KCNH6: variants seen among roughly 807,000 people sequenced by gnomAD.
KCNH6 encodes the protein potassium voltage-gated channel subfamily H member 6.
A neutral mutation model predicts 83.4 loss-of-function variants in KCNH6; 81 were observed. That is an observed-to-expected ratio of 0.97 (90% CI 0.81 to 1.17). KCNH6 has a LOEUF of 1.17. Ranked by LOEUF, KCNH6 falls within the 50% of genes most tolerant of loss-of-function variation. KCNH6 has a pLI of 0.00. For missense variants in KCNH6, 1,203 were observed against 1,290.5 expected, an observed-to-expected ratio of 0.93 and a Z score of 1.04; for synonymous variants, 503 against 545.6, an observed-to-expected ratio of 0.92 and a Z score of 1.09.
At position 63,530,455 on chromosome 17, in the gene KCNH6, C is replaced by A; in HGVS notation, c.588C>A (p.His196Gln). The A allele has an allele frequency of 6.2e-7, 1 of 1,614,240 alleles. No homozygotes were observed. Among genetic ancestry groups the A allele is most frequent in the Non-Finnish European group, 8.5e-7 (1 of 1,180,044 alleles). Residue 196 changes from histidine (H) to glutamine (Q), a missense_variant, in exon 4 of 13, where the codon CAC becomes CAA. Transcript: ENST00000314672. ...TCGTGGAGTTCAACTTGGAGAAGCA[C>A]CGCTCCAGCTCCACCACGGAGATTG... is the stretch of plus-strand genomic sequence containing the variant. ...LNFVEFNLEK[H>Q]RSSSTTEIEI...
rs1465460390 is a variant in KCNH6, at chr17:63,542,381, G to A, written c.2095G>A (p.Ala699Thr). The A allele has an allele frequency of 1.2e-6, 2 of 1,614,048 alleles. No homozygotes were observed. Among genetic ancestry groups the A allele is most frequent in the East Asian group, 2.2e-5 (1 of 44,884 alleles). The change falls in exon 9 of 13, where the codon GCC (alanine) becomes ACC (threonine). Residue 699 changes from alanine (A) to threonine (T), a missense_variant. Ala to Thr is a moderately conservative substitution (Grantham distance 58). Transcript: ENST00000314672. ...GCTGGAGGTGCTGGACATGTACCCGGCCTTTGCGGAGAGCTTCTGGAGTAA... is the reference window on the plus strand; with the variant it reads ...GCTGGAGGTGCTGGACATGTACCCGACCTTTGCGGAGAGCTTCTGGAGTAA... ...DLLEVLDMYP[A>T]FAESFWSKLE...
intron 9 of KCNH6, among the ~76,000 whole-genome samples, chr17:63,543,151 G>A (rs1431560353): frequency 6.6e-6 from 1 of 152,204 alleles, no homozygotes; most frequent in Admixed American, 6.5e-5. Context: ...CTTCCCTGGT[G>A]CCCCGCCCCT....
At chr17:63,529,132 G>A (rs756663781) in intron 2 of KCNH6, among the ~76,000 whole-genome samples, 1 of 152,230 alleles carries the variant, frequency 6.6e-6, no homozygotes, top group African/African-American at 2.4e-5. Context: ...ACCACGCCCG[G>A]CCAGGCATGG....
At position 63,534,239 on chromosome 17, in the gene KCNH6, G is replaced by A. The variant is rs61743693; in HGVS notation, c.1029G>A (p.Lys343=). ...GCCGCATCGCCGTCCACTACTTCAA[G>A]GGCTGGTTCCTCATTGACATGGTGG... The part of the protein sequence containing the change: ...HPRRIAVHYF[K]GWFLIDMVAA... Residue 343 remains lysine, a synonymous_variant, in exon 5 of 13, where the codon AAG becomes AAA. Coordinates refer to ENST00000314672, the MANE Select transcript of KCNH6 (RefSeq NM_001278919.2). The surrounding 1 kb of genome is among the most constrained non-coding windows in gnomAD (Gnocchi z 5.0). The A allele has an allele frequency of 4.0e-3, 6,399 of 1,614,114 alleles. 213 individuals carry two copies. The African/African-American group carries it at 0.069, about 17-fold the overall frequency.
At chr17:63,528,552 G>A (rs2031869052) in intron 2 of KCNH6, among the ~76,000 whole-genome samples, 2 of 152,202 alleles carry the variant, frequency 1.3e-5, no homozygotes. Context: ...CTCCACAGCA[G>A]TGATACTCCC....
intron 2 of KCNH6, among the ~76,000 whole-genome samples, chr17:63,525,721 G>A (rs2031667208): frequency 6.6e-6 from 1 of 152,158 alleles, no homozygotes; most frequent in East Asian, 1.9e-4. Flanking sequence ...GTGGCAGTGG[G>A]AAGTGCAACA....
chr17:63,530,008 C>G (rs2031977041), intron 2 of KCNH6, 83 bp from the exon 3 acceptor site: 1 of 1,465,182 alleles, frequency 6.8e-7, no homozygotes, highest in Non-Finnish European at 9.3e-7. Flanking sequence ...ACTTGACCTT[C>G]ACTCAGCCCC....
chr17:63,548,348 AC>A (rs1199142710), downstream of KCNH6, among the ~76,000 whole-genome samples: 1 of 151,844 alleles, frequency 6.6e-6, no homozygotes, highest in African/African-American at 2.4e-5. Flanking sequence ...GACCAGTTGA[AC>A]CCAGCCTGGG....
chr17:63,543,893 C>T (rs2033009122), intron 10 of KCNH6: 1 of 654,686 alleles, frequency 1.5e-6, no homozygotes, highest in South Asian at 1.9e-5. Context: ...AAATGCAACC[C>T]CCAGGGGTGT....
chr17:63,524,278 C>T lies in KCNH6; in HGVS notation c.216C>T (p.Pro72=). Residue 72 remains proline (P), a synonymous_variant, in exon 2 of 13, where the codon CCC becomes CCT. Transcript: ENST00000314672. ...QPCTCDFLTG[P]NTPSSAVSRL... ...GCACCTGCGACTTCCTCACAGGCCC[C>T]AACACACCAAGCAGCGCCGTGTCCC... is the stretch of plus-strand genomic sequence containing the variant. 1 of 1,614,056 alleles carries T rather than the reference C, an allele frequency of 6.2e-7. No homozygotes were observed. Among genetic ancestry groups the T allele is most frequent in the Non-Finnish European group, 8.5e-7 (1 of 1,180,040 alleles).
chr17:63,527,573 C>G (rs1223003090), intron 2 of KCNH6, among the ~76,000 whole-genome samples: 1 of 152,166 alleles, frequency 6.6e-6, no homozygotes, highest in African/African-American at 2.4e-5. Context: ...AGGGGGCAGA[C>G]AAACCTGCTG....
intron 2 of KCNH6, among the ~76,000 whole-genome samples, chr17:63,524,889 G>T (rs2031600952): frequency 6.6e-6 from 1 of 152,254 alleles, no homozygotes; most frequent in South Asian, 2.1e-4. Context: ...TGGAGTTTGG[G>T]TTGTTACTGC....
At chr17:63,536,297 T>A in intron 6 of KCNH6, 1 of 558,846 alleles carries the variant, frequency 1.8e-6, no homozygotes, top group Non-Finnish European at 3.2e-6. Flanking sequence ...ACAGGCTACA[T>A]AATTTGCAGA....
In KCNH6 at chr17:63,535,870, G is replaced by C. The variant is rs752626043; in HGVS notation, c.1303G>C (p.Gly435Arg). The C allele has an allele frequency of 1.9e-6, 3 of 1,614,022 alleles. No individual in the cohort carries two copies. The highest frequency in any genetic ancestry group is 2.5e-6 in the Non-Finnish European group (3 of 1,180,044). Residue 435 changes from glycine (G) to arginine (R), a missense_variant, in exon 6 of 13, where the codon GGC (glycine) becomes CGC (arginine). Gly to Arg is a moderately radical substitution (Grantham distance 125, BLOSUM62 -2). Coordinates refer to ENST00000314672, the MANE Select transcript of KCNH6 (RefSeq NM_001278919.2). The surrounding 1 kb of genome is among the most constrained non-coding windows in gnomAD (Gnocchi z 4.9). ...VERPYLEHKI[G>R]WLDSLGVQLG... is the part of the protein sequence containing the mutation. ...GCGGCCCTACCTAGAACACAAGATC[G>C]GCTGGCTGGACAGCCTGGGTGTGCA...
In KCNH6 at chr17:63,535,803, G is replaced by A. The variant is rs899559949; in HGVS notation, c.1236G>A (p.Ala412=). The A allele has an allele frequency of 8.7e-6, 14 of 1,614,112 alleles. No homozygotes were observed. The highest frequency in any genetic ancestry group is 2.7e-5 in the African/African-American group (2 of 74,960). ...FLLMCTFALI[A]HWLACIWYAI... The stretch of plus-strand genomic sequence containing the variant: ...TCATGTGCACCTTCGCGCTCATAGC[G>A]CACTGGCTGGCCTGCATCTGGTACG... The change falls in exon 6 of 13, where the codon GCG becomes GCA. Residue 412 remains alanine, a synonymous_variant. Coordinates refer to ENST00000314672, the MANE Select transcript of KCNH6 (RefSeq NM_001278919.2). The surrounding 1 kb of genome is among the most constrained non-coding windows in gnomAD (Gnocchi z 4.9).
rs2033112575 is a variant in KCNH6, at chr17:63,545,705, G to A, written c.2680G>A (p.Ala894Thr). ...HLAVATDKTL[A>T]PSSEQEQPEG... ...GGCTGTGGCAACGGACAAAACTCTG[G>A]CACCATCCTCAGAACAGGAACAGCC... Residue 894 changes from alanine to threonine, a missense_variant, in exon 13 of 13, where the codon GCA becomes ACA. Transcript: ENST00000314672. 6.2e-7 allele frequency: 1 copy of A among 1,613,894 alleles called. No homozygotes were observed. Among genetic ancestry groups the A allele is most frequent in the African/African-American group, 1.3e-5 (1 of 74,896 alleles).
At chr17:63,542,750 C>T (rs1274986317) in intron 9 of KCNH6, among the ~76,000 whole-genome samples, 2 of 152,160 alleles carry the variant, frequency 1.3e-5, no homozygotes, top group Admixed American at 6.5e-5. Flanking sequence ...AGCTAGTCAA[C>T]GGCAGAGCCA....
intron 6 of KCNH6, among the ~76,000 whole-genome samples, chr17:63,537,464 TCATTCTGTCGCC>T (rs529765500): frequency 3.3e-4 from 50 of 152,318 alleles, no homozygotes; most frequent in South Asian, 1.0e-3. Flanking sequence ...TGAGACAGTC[TCATTCTGTCGCC>T]CAGGCTGGAG....
At chr17:63,539,635 T>C (rs2032747088) in intron 8 of KCNH6, among the ~76,000 whole-genome samples, 1 of 152,210 alleles carries the variant, frequency 6.6e-6, no homozygotes, top group African/African-American at 2.4e-5. Flanking sequence ...CACGCCACAG[T>C]CTGCCAAGGG....
Sources: allele counts gnomAD v4.1 joint callset (sites outside exome capture counted in the v4.1 genomes callset), GRCh38; gene constraint gnomAD v4.1.1; non-coding constraint Gnocchi (gnomAD v3.1); transcripts MANE v1.5; gene names NCBI Gene and HGNC (gene_info 2026-07-23, HGNC 2026-07-21).